TUBA1C: variants seen among roughly 807,000 people sequenced by gnomAD.
TUBA1C encodes tubulin alpha 1c.
TUBA1C carries 16 observed loss-of-function variants against 34.9 expected under a neutral mutation model. The observed-to-expected ratio is 0.46, with a 90% CI of 0.31 to 0.70. The LOEUF is 0.70. Among genes scored for constraint, TUBA1C ranks in the 30% least tolerant of loss-of-function variants. The pLI is 0.05. For missense variants in TUBA1C, 329 were observed against 587.3 expected (o/e 0.56, Z 4.55); for synonymous variants, 177 against 215.9 (o/e 0.82, Z 1.58).
intron 1 of TUBA1C, among the ~76,000 whole-genome samples, chr12:49,235,806 G>C (rs533418497): frequency 6.6e-6 from 1 of 151,946 alleles, no homozygotes; most frequent in Non-Finnish European, 1.5e-5. Flanking sequence ...CTGCAAGAAA[G>C]TGGCCTGTGT....
upstream of TUBA1C, chr12:49,264,816 C>A (rs1348976281): frequency 2.6e-5 from 3 of 116,546 alleles, no homozygotes; most frequent in African/African-American, 1.2e-4. Flanking sequence ...CCCTTCCTCC[C>A]CTTCCTCCCC....
In TUBA1C at chr12:49,273,218, A is replaced by C. The variant is rs1943019249; in HGVS notation, c.1341A>C (p.Glu447Asp). ...ADSADGEDEG[E>D]EY The stretch of plus-strand genomic sequence containing the variant: ...GTGCTGACGGAGAGGATGAGGGTGA[A>C]GAGTATTAACCTGTGTGCTGTACTT... Residue 447 changes from glutamate (E) to aspartate (D), a missense_variant, in exon 4 of 4, where the codon GAA becomes GAC. Transcript: ENST00000301072. 5 of 1,614,240 alleles carry C rather than the reference A, an allele frequency of 3.1e-6. No homozygotes were observed. Among genetic ancestry groups the C allele is most frequent in the Non-Finnish European group, 4.2e-6 (5 of 1,180,052 alleles).
chr12:49,228,075 T>A, exon 1 of TUBA1C: 2 of 1,535,740 alleles, frequency 1.3e-6, no homozygotes, highest in Non-Finnish European at 1.7e-6. Context: ...AACTGGATTC[T>A]TATTTACTTC....
chr12:49,273,149 C>T lies in TUBA1C; in HGVS notation c.1272C>T (p.Asp424=), dbSNP rs755872104. Residue 424 remains aspartate (D), a synonymous_variant, in exon 4 of 4, where the codon GAC becomes GAT. Coordinates refer to ENST00000301072, the MANE Select transcript of TUBA1C (RefSeq NM_032704.5). ...GCGAGTTTTCAGAGGCCCGTGAGGA[C>T]ATGGCTGCCCTTGAGAAGGATTATG... ...EEGEFSEARE[D]MAALEKDYEE... 8 of 1,614,232 alleles carry T rather than the reference C, an allele frequency of 5.0e-6. No individual in the cohort carries two copies. The Middle Eastern group carries it at 6.6e-4, about 133-fold the overall frequency.
intron 1 of TUBA1C, among the ~76,000 whole-genome samples, chr12:49,243,871 C>T (rs141101147): frequency 6.2e-4 from 95 of 152,118 alleles, no homozygotes; most frequent in African/African-American, 2.2e-3. Context: ...AACTTTAGGC[C>T]AGGCATGGTG....
intron 1 of TUBA1C, chr12:49,233,541 T>C (rs935379157): frequency 6.6e-6 from 1 of 152,174 alleles, no homozygotes. Context: ...CCATTCCTGA[T>C]GGGTTCCCAA....
chr12:49,271,468 TG>T (rs1332716756), intron 3 of TUBA1C, among the ~76,000 whole-genome samples: 2 of 152,218 alleles, frequency 1.3e-5, no homozygotes, highest in Non-Finnish European at 1.5e-5. Flanking sequence ...TGTCATATAT[TG>T]GCTTACTGGG....
chr12:49,249,405 C>T (rs11168935), intron 1 of TUBA1C, among the ~76,000 whole-genome samples: 20,473 of 151,480 alleles, frequency 0.14, 1,930 homozygotes, highest in Non-Finnish European at 0.2. Context: ...CCAGCCTGGT[C>T]GACAAGAGTG....
upstream of TUBA1C, among the ~76,000 whole-genome samples, chr12:49,261,611 T>C (rs575456101): frequency 2.0e-5 from 3 of 152,372 alleles, no homozygotes; most frequent in African/African-American, 7.2e-5. Flanking sequence ...CATTTTGTTA[T>C]AAATTTCTAC....
chr12:49,270,234 G>C, intron 3 of TUBA1C: 1 of 639,128 alleles, frequency 1.6e-6, no homozygotes, highest in South Asian at 1.9e-5. Flanking sequence ...GTCATACTGA[G>C]TGAGTAGGTA....
At chr12:49,238,093 G>C (rs1942575720) in intron 1 of TUBA1C, among the ~76,000 whole-genome samples, 1 of 149,976 alleles carries the variant, frequency 6.7e-6, no homozygotes, top group South Asian at 2.1e-4. Context: ...TGGGTGACAA[G>C]AGCGAGATTC....
chr12:49,230,924 A>T (rs1814079691), intron 1 of TUBA1C, among the ~76,000 whole-genome samples: 1 of 152,186 alleles, frequency 6.6e-6, no homozygotes, highest in African/African-American at 2.4e-5. Flanking sequence ...TCCTAATAGT[A>T]ATACTTAAGT....
chr12:49,239,495 G>C (rs1426492295), intron 1 of TUBA1C, among the ~76,000 whole-genome samples: 1 of 151,974 alleles, frequency 6.6e-6, no homozygotes, highest in African/African-American at 2.4e-5. Context: ...ACAAAAATTA[G>C]CCAGGTGTGG....
chr12:49,257,143 C>T (rs1942792935), intron 1 of TUBA1C, among the ~76,000 whole-genome samples: 1 of 147,712 alleles, frequency 6.8e-6, no homozygotes, highest in Non-Finnish European at 1.5e-5. Flanking sequence ...TCAAGCCACT[C>T]CATCTCAAAA....
chr12:49,235,404 C>T lies in TUBA1C; in HGVS notation c.213+7238C>T, dbSNP rs1942543663. Reference sequence around the variant, plus strand: ...GAAAGGTGTCGGGGTTGCAGGTCAGCGCCCCATTTTTTGTCCAGGAGAGAC... The same window carrying T: ...GAAAGGTGTCGGGGTTGCAGGTCAGTGCCCCATTTTTTGTCCAGGAGAGAC... On this transcript the variant is annotated intron_variant, in intron 1 of 3. Transcript: ENST00000541364. Among the ~76,000 whole-genome samples, 5 of 152,076 alleles carry T rather than the reference C, an allele frequency of 3.3e-5. No homozygotes were observed. The South Asian group carries it at 1.0e-3, about 32-fold the overall frequency.
chr12:49,232,007 G>C (rs1942502971), intron 1 of TUBA1C, among the ~76,000 whole-genome samples: 1 of 152,180 alleles, frequency 6.6e-6, no homozygotes. Context: ...TGATTTCCTG[G>C]CTGGGGGTGG....
chr12:49,247,161 A>G (rs1942678874), intron 1 of TUBA1C, among the ~76,000 whole-genome samples: 1 of 152,048 alleles, frequency 6.6e-6, no homozygotes, highest in African/African-American at 2.4e-5. Flanking sequence ...AGAAAGAAAA[A>G]AAAAGTAAAA....
chr12:49,258,582 A>C (rs1942810045), intron 1 of TUBA1C, among the ~76,000 whole-genome samples: 1 of 148,460 alleles, frequency 6.7e-6, no homozygotes, highest in Non-Finnish European at 1.5e-5. Context: ...TGTGCATCAC[A>C]ACGCCTGGCT....
At chr12:49,251,902 TC>T (rs1323998873) in intron 1 of TUBA1C, among the ~76,000 whole-genome samples, 1 of 152,000 alleles carries the variant, frequency 6.6e-6, no homozygotes, top group African/African-American at 2.4e-5. Flanking sequence ...AGCTACATGA[TC>T]ATCTCAATCG....
Sources: gnomAD v4.1 joint callset for allele counts (sites outside exome capture counted in the v4.1 genomes callset) on GRCh38, gnomAD v4.1.1 for gene constraint, MANE v1.5 for transcripts, NCBI Gene and HGNC (gene_info 2026-07-23, HGNC 2026-07-21) for gene names.